The following POLD1 variants were observed in gnomAD, a reference collection of about 807,000 sequenced individuals.
POLD1 encodes the protein DNA polymerase delta 1, catalytic subunit, also known as DNA polymerase delta catalytic subunit.
Under a neutral mutation model 129.7 loss-of-function variants are expected in POLD1, and 79 were observed. That is an observed-to-expected ratio of 0.61 (90% CI 0.51 to 0.73). The LOEUF is 0.73. POLD1 is among the 30% of genes least tolerant of loss of function. The probability of loss-of-function intolerance (pLI) is 0.00; values close to 1 mark genes in which losing one functional copy is unlikely to be tolerated. For missense variants in POLD1, 1,338 were observed against 1,595.8 expected, an observed-to-expected ratio of 0.84 and a Z score of 2.75; for synonymous variants, 714 against 683.3, an observed-to-expected ratio of 1.04 and a Z score of -0.70.
rs1379780272 is a variant in POLD1, at chr19:50,402,553, G to A, written c.840+18G>A. 2 of 1,582,606 alleles carry A rather than the reference G, an allele frequency of 1.3e-6. No homozygotes were observed. The highest frequency in any genetic ancestry group is 1.8e-5 in the Admixed American group (1 of 54,714). ...AGGAGAAGGTGCAGGGCTTCCCAGG[G>A]CAGGGCTGGGTGGGGAGCTGGTACC... On this transcript the variant is annotated intron_variant, in intron 7 of 26. Transcript: ENST00000440232.
intron 3 of POLD1, among the ~76,000 whole-genome samples, chr19:50,400,983 ACCG>A: frequency 6.6e-6 from 1 of 151,670 alleles, no homozygotes; most frequent in South Asian, 2.1e-4. Context: ...GGCTTGAGCC[ACCG>A]CGCCCGGCCT....
In POLD1 at chr19:50,409,463, G is replaced by T. The variant is rs1015322863; in HGVS notation, c.2007-56G>T. On this transcript the variant is annotated intron_variant, in intron 16 of 26. Transcript: ENST00000440232. The surrounding 1 kb of genome is among the most constrained non-coding windows in gnomAD (Gnocchi z 5.8). ...ACATGGCACTCACTTCCAGAAAGGA[G>T]CCCTGACCAATGCCCAGGTGCCGCC... 1 of 1,609,022 alleles carries T rather than the reference G, an allele frequency of 6.2e-7. No homozygotes were observed. Among genetic ancestry groups the T allele is most frequent in the African/African-American group, 1.3e-5 (1 of 75,010 alleles).
chr19:50,404,574 C>CT (rs71182717), intron 10 of POLD1, among the ~76,000 whole-genome samples: 41,014 of 77,824 alleles, frequency 0.53, 13,354 homozygotes, highest in Non-Finnish European at 0.59. Context: ...TTTTCTCTTT[C>CT]TTTTTTTTTT....
At chr19:50,417,536 G>T (rs923038562) in intron 26 of POLD1, among the ~76,000 whole-genome samples, 1 of 152,188 alleles carries the variant, frequency 6.6e-6, no homozygotes, top group Non-Finnish European at 1.5e-5. Context: ...CACCCAGCCA[G>T]CCTGGCCCCC....
Position 50,407,206 on chromosome 19 carries a change from C to T in POLD1, c.1686+32C>T, listed in dbSNP as rs1203664899. On this transcript the variant is annotated intron_variant, in intron 13 of 26. Coordinates refer to ENST00000440232, the MANE Select transcript of POLD1 (RefSeq NM_002691.4). ...AGCCGAGACTTGTCCTCGCCACCCC[C>T]CACCAGGCACGTCTGTGGCCCCCTC... is the stretch of plus-strand genomic sequence containing the variant. The T allele has an allele frequency of 1.9e-6, 3 of 1,581,482 alleles. 1 individual carries two copies. The highest frequency in any genetic ancestry group is 2.7e-5 in the African/African-American group (2 of 74,316).
intron 17 of POLD1, among the ~76,000 whole-genome samples, chr19:50,411,398 C>T (rs536399931): frequency 1.2e-4 from 19 of 152,292 alleles, no homozygotes; most frequent in African/African-American, 4.3e-4. Context: ...ACAGCTTGGC[C>T]CTCCCCTGGG....
At chr19:50,388,301 A>C (rs917984600) in intron 1 of POLD1, among the ~76,000 whole-genome samples, 3 of 152,232 alleles carry the variant, frequency 2.0e-5, no homozygotes, top group Non-Finnish European at 4.4e-5. Context: ...TATATACTTT[A>C]AATGGGTGAA....
At chr19:50,397,749 A>ATC (rs2122181572) in intron 1 of POLD1, among the ~76,000 whole-genome samples, 1 of 152,256 alleles carries the variant, frequency 6.6e-6, no homozygotes, top group South Asian at 2.1e-4. Flanking sequence ...AAATATATAT[A>ATC]AGTAGCAGTC....
intron 19 of POLD1, among the ~76,000 whole-genome samples, chr19:50,414,590 G>C (rs2039205705): frequency 6.6e-6 from 1 of 152,226 alleles, no homozygotes; most frequent in Non-Finnish European, 1.5e-5. Context: ...CCCAGTCTCT[G>C]TTTCAGATTG....
rs1555791532 is a variant in POLD1, at chr19:50,407,410, C to CA, written c.1773dup (p.Gly592ArgfsTer43). The stretch of plus-strand genomic sequence containing the variant: ...CGGGAGCCACTGTCATCGAGCCCCT[C>CA]AAAGGGTGAGGCCCCAGGCTGGGTG... On this transcript the variant is annotated frameshift_variant, in exon 14 of 27. Transcript: ENST00000440232. LOFTEE classifies it high-confidence loss of function. The CA allele has an allele frequency of 6.2e-7, 1 of 1,601,682 alleles. No individual in the cohort carries two copies. Among genetic ancestry groups the CA allele is most frequent in the South Asian group, 1.1e-5 (1 of 89,828 alleles).
At chr19:50,405,531 C>A (rs1361012090) in intron 10 of POLD1, among the ~76,000 whole-genome samples, 4 of 152,170 alleles carry the variant, frequency 2.6e-5, no homozygotes, top group African/African-American at 7.2e-5. Flanking sequence ...GAGTTCAAGA[C>A]CAGCCAGGGC....
At chr19:50,384,595 CG>C (rs1333883502) in intron 1 of POLD1, among the ~76,000 whole-genome samples, 1 of 123,188 alleles carries the variant, frequency 8.1e-6, no homozygotes, top group Non-Finnish European at 1.7e-5. Flanking sequence ...AATTCCTCGG[CG>C]GGCAGGGGGC....
Position 50,399,042 on chromosome 19 carries a change from G to A in POLD1, c.191G>A (p.Gly64Glu). 1 of 1,553,982 alleles carries A rather than the reference G, an allele frequency of 6.4e-7. No individual in the cohort carries two copies. The highest frequency in any genetic ancestry group is 8.7e-7 in the Non-Finnish European group (1 of 1,148,584). ...EEEELQSVLE[G>E]VADGQVPPSA... ...GAGGAGCTGCAGTCAGTCCTGGAGG[G>A]GGTTGCAGACGGTAAGGCTTGGAGT... Residue 64 changes from glycine to glutamate, a missense_variant, in exon 2 of 27, where the codon GGG becomes GAG. Physicochemically the swap from Gly to Glu is moderately conservative, Grantham distance 98. Around this residue, in one of 3 missense-constraint regions of POLD1, gnomAD observed 332 missense variants for 315.7 expected, o/e 1.05. Transcript: ENST00000440232.
Position 50,409,807 on chromosome 19 carries a change from G to A in POLD1, c.2154+141G>A, listed in dbSNP as rs1248529367. The A allele has an allele frequency of 5.5e-6, 5 of 911,774 alleles. No homozygotes were observed. Among genetic ancestry groups the A allele is most frequent in the Non-Finnish European group, 3.3e-6 (2 of 604,886 alleles). 56.5% of individuals were successfully genotyped at this position (911,774 alleles called of 1,614,324 possible). A position where few individuals can be genotyped will look rare whatever the true frequency, so the allele number is the denominator to read the frequency against. On this transcript the variant is annotated intron_variant, in intron 17 of 26. Coordinates refer to ENST00000440232, the MANE Select transcript of POLD1 (RefSeq NM_002691.4). The surrounding 1 kb of genome is among the most constrained non-coding windows in gnomAD (Gnocchi z 5.8). ...CTTCTAGAGAGAGGATGCCAATGTG[G>A]CTTGAGCAATTGGTCCATTCCTTCA...
At chr19:50,408,717 C>A in intron 14 of POLD1, 68 bp from the exon 15 acceptor site, 1 of 1,585,948 alleles carries the variant, frequency 6.3e-7, no homozygotes, top group South Asian at 1.1e-5. Flanking sequence ...GGTGAGGCCA[C>A]AAGACAGGGC....
At chr19:50,417,004 T>C (rs773382425) in intron 24 of POLD1, 41 bp from the exon 25 acceptor site, 4 of 1,536,180 alleles carry the variant, frequency 2.6e-6, no homozygotes, top group Non-Finnish European at 8.8e-7. Context: ...GCCCAGTTCC[T>C]GGCTGGGCCC....
At chr19:50,411,252 G>C (rs1028024839) in intron 17 of POLD1, among the ~76,000 whole-genome samples, 5 of 152,210 alleles carry the variant, frequency 3.3e-5, no homozygotes, top group African/African-American at 9.7e-5. Context: ...TGCACAAAGT[G>C]AATCGCTCAC....
chr19:50,407,899 G>A lies in POLD1; in HGVS notation c.1775+484G>A, dbSNP rs576675456. 5.9e-5 allele frequency among the ~76,000 whole-genome samples: 9 copies of A among 151,582 alleles called. No individual in the cohort carries two copies. The East Asian group carries it at 9.9e-4, about 17-fold the overall frequency. Reference sequence around the variant, plus strand: ...AAAAATTTTTAAAAATTAGCCAGGCGTGGTGGTGCATGCCTGTAATCCCAG... The same window carrying A: ...AAAAATTTTTAAAAATTAGCCAGGCATGGTGGTGCATGCCTGTAATCCCAG... On this transcript the variant is annotated intron_variant, in intron 14 of 26. Coordinates refer to ENST00000440232, the MANE Select transcript of POLD1 (RefSeq NM_002691.4).
Position 50,413,434 on chromosome 19 carries a change from G to C in POLD1, c.2163G>C (p.Thr721=). The change falls in exon 18 of 27, where the codon ACG becomes ACC. Residue 721 remains threonine (T), a synonymous_variant. Transcript: ENST00000440232. ...LPCLEISQSV[T]GFGRQMIEKT... ...GATTCTCTCCCCGACAGAGCGTCACGGGGTTCGGACGTCAGATGATCGAGA... is the reference window on the plus strand; with the variant it reads ...GATTCTCTCCCCGACAGAGCGTCACCGGGTTCGGACGTCAGATGATCGAGA... 3 of 1,613,048 alleles carry C rather than the reference G, an allele frequency of 1.9e-6. No homozygotes were observed. The highest frequency in any genetic ancestry group is 1.6e-4 in the Middle Eastern group (1 of 6,062).
Sources: gnomAD v4.1 joint callset for allele counts (sites outside exome capture counted in the v4.1 genomes callset) on GRCh38, gnomAD v4.1.1 for gene constraint, gnomAD v4.1.1 regional missense constraint, Gnocchi (gnomAD v3.1) non-coding constraint, MANE v1.5 for transcripts, NCBI Gene and HGNC (gene_info 2026-07-23, HGNC 2026-07-21) for gene names.